The following TRIM43B variants were observed in gnomAD, a reference collection of about 807,000 sequenced individuals.
The protein encoded by TRIM43B is tripartite motif-containing protein 43B.
In TRIM43B, 15 loss-of-function variants were observed where a neutral mutation model predicts 27.0. The ratio of observed to expected loss-of-function variants is 0.55; its 90% CI spans 0.37 to 0.85. The LOEUF (loss-of-function observed/expected upper bound fraction) is 0.85. Ranked by LOEUF, TRIM43B falls within the 40% of genes least tolerant of loss-of-function variation. The probability of loss-of-function intolerance (pLI) is 0.00; values close to 1 mark genes in which losing one functional copy is unlikely to be tolerated. For synonymous variants in TRIM43B, 69 were observed against 97.8 expected, an observed-to-expected ratio of 0.71 and a Z score of 1.74; for missense variants, 172 against 289.8, an observed-to-expected ratio of 0.59 and a Z score of 2.95.
At chr2:95,480,216 A>T in intron 4 of TRIM43B, 89 bp downstream of exon 4, 1 of 1,495,958 alleles carries the variant, frequency 6.7e-7, no homozygotes, top group South Asian at 1.4e-5. Context: ...GCAGGAGATG[A>T]GGAAATAATG....
chr2:95,482,795 G>C, intron 1 of TRIM43B, 77 bp from the exon 2 acceptor site: 1 of 1,535,178 alleles, frequency 6.5e-7, no homozygotes. Flanking sequence ...GAATCAGATC[G>C]TGATCGAATA....
At chr2:95,481,716 G>T (rs1441767616) in intron 2 of TRIM43B, 26 bp from the exon 3 acceptor site, 2 of 1,604,352 alleles carry the variant, frequency 1.2e-6, no homozygotes, top group South Asian at 2.2e-5. Flanking sequence ...AGGTTGAACA[G>T]AAAGTCAAAT....
intron 1 of TRIM43B, 103 bp from the exon 2 acceptor site, chr2:95,482,821 A>G: frequency 6.5e-7 from 1 of 1,527,070 alleles, no homozygotes; most frequent in Non-Finnish European, 8.7e-7. Flanking sequence ...CTTTCTTTCT[A>G]AAGAAGTATA....
At chr2:95,483,591 G>A (rs971861658) in intron 1 of TRIM43B, among the ~76,000 whole-genome samples, 8 of 151,062 alleles carry the variant, frequency 5.3e-5, no homozygotes, top group South Asian at 2.1e-4. Flanking sequence ...GGCCGAGGTG[G>A]CTGAGGCTGG....
chr2:95,481,721 T>G (rs542747976), intron 2 of TRIM43B, 31 bp from the exon 3 acceptor site: 1 of 1,601,572 alleles, frequency 6.2e-7, no homozygotes, highest in South Asian at 1.1e-5. Flanking sequence ...GAACAGAAAG[T>G]CAAATACCAA....
intron 3 of TRIM43B, among the ~76,000 whole-genome samples, chr2:95,481,256 G>A (rs190271466): frequency 4.6e-5 from 7 of 151,542 alleles, no homozygotes; most frequent in East Asian, 1.9e-4. Flanking sequence ...TTCTTCCCCC[G>A]GACAATACCA....
rs1261380060 is a variant in TRIM43B, at chr2:95,480,633, T to C, written c.508-98A>G. 21 of 1,383,994 alleles carry C rather than the reference T, an allele frequency of 1.5e-5. No individual in the cohort carries two copies. In the Admixed American group the frequency reaches 4.5e-4, roughly 30 times the overall value. The allele number at this position is 1,383,994 out of a possible 1,614,324, so 85.7% of individuals were successfully genotyped here. On this transcript the variant is annotated intron_variant, in intron 3 of 6. Transcript: ENST00000639673. ...TCCTCATTCCTTCTTTTATTTTCCA[T>C]CCTTTACAAACAGGATGATGAGTTA...
exon 4 of TRIM43B, chr2:95,480,325 G>A (rs1213444592): frequency 6.2e-7 from 1 of 1,609,006 alleles, no homozygotes; most frequent in African/African-American, 1.3e-5. Context: ...TCCACCTCTG[G>A]TTTATGACAC....
At chr2:95,483,238 G>A (rs1165009780) in intron 1 of TRIM43B, among the ~76,000 whole-genome samples, 1 of 152,038 alleles carries the variant, frequency 6.6e-6, no homozygotes, top group Non-Finnish European at 1.5e-5. Flanking sequence ...ATCAGAAAAA[G>A]CCAGCCTTTA....
chr2:95,480,966 T>C (rs2104400486), intron 3 of TRIM43B, among the ~76,000 whole-genome samples: 1 of 152,232 alleles, frequency 6.6e-6, no homozygotes, highest in Admixed American at 6.5e-5. Flanking sequence ...CCCCCATCTC[T>C]CAAACCGACT....
intron 1 of TRIM43B, among the ~76,000 whole-genome samples, chr2:95,484,099 G>T (rs1041941578): frequency 1.3e-5 from 2 of 149,464 alleles, no homozygotes; most frequent in African/African-American, 4.9e-5. Context: ...GGCCGGGCGC[G>T]GTGGCTCAGG....
chr2:95,483,439 A>T (rs1348739799), intron 1 of TRIM43B, among the ~76,000 whole-genome samples: 1 of 151,910 alleles, frequency 6.6e-6, no homozygotes, highest in East Asian at 1.9e-4. Flanking sequence ...ACAGACAATT[A>T]ATTCAATTTA....
chr2:95,480,660 G>A (rs1426929688), intron 3 of TRIM43B, 125 bp from the exon 4 acceptor site: 10 of 694,514 alleles, frequency 1.4e-5, no homozygotes, highest in Non-Finnish European at 2.4e-5. Context: ...GATGAGTTAA[G>A]CAAGACCTTC....
intron 1 of TRIM43B, 131 bp from the exon 2 acceptor site, chr2:95,482,849 A>T: frequency 2.0e-6 from 3 of 1,496,304 alleles, no homozygotes; most frequent in Non-Finnish European, 2.7e-6. Context: ...ATTTGCAATG[A>T]CAGAAATAGG....
chr2:95,482,418 TG>T lies in TRIM43B; in HGVS notation c.296del (p.Thr99LysfsTer43). On this transcript the variant is annotated frameshift_variant, in exon 2 of 7. Coordinates refer to ENST00000639673, the Ensembl canonical transcript of TRIM43B. LOFTEE classifies it high-confidence loss of function. The stretch of plus-strand genomic sequence containing the variant: ...TGTCCATGTCACAGAACATCTTCTT[TG>T]TTTGCCTATGGGTCCCACATATTTG... The T allele has an allele frequency of 1.9e-6, 3 of 1,604,368 alleles. No homozygotes were observed. Among genetic ancestry groups the T allele is most frequent in the South Asian group, 1.1e-5 (1 of 89,894 alleles).
At chr2:95,484,223 T>G (rs1349217102) in intron 1 of TRIM43B, among the ~76,000 whole-genome samples, 1 of 151,608 alleles carries the variant, frequency 6.6e-6, no homozygotes, top group Non-Finnish European at 1.5e-5. Flanking sequence ...AATACAAAAT[T>G]TAGATGGGCG....
At chr2:95,480,666 C>A (rs1170931219) in intron 3 of TRIM43B, 131 bp from the exon 4 acceptor site, 8 of 673,062 alleles carry the variant, frequency 1.2e-5, no homozygotes, top group African/African-American at 3.7e-5. Context: ...TTAAGCAAGA[C>A]CTTCCTTCAA....
Position 95,481,631 on chromosome 2 carries a change from A to G in TRIM43B, c.471T>C (p.Asn157=), listed in dbSNP as rs1327572866. 3.7e-6 allele frequency: 6 copies of G among 1,612,626 alleles called. 1 individual carries two copies. In the South Asian group the frequency reaches 6.6e-5, roughly 18 times the overall value. Residue 157 remains asparagine (N), a synonymous_variant, in exon 3 of 7, where the codon AAT becomes AAC. Coordinates refer to ENST00000639673, the Ensembl canonical transcript of TRIM43B. ...AGGCTGTTCTTCTCTCCTCATATAG[A>G]TTTCTCTGATTTTCTTGAATCTTTT...
chr2:95,481,298 T>C (rs1683517470), intron 3 of TRIM43B, among the ~76,000 whole-genome samples: 1 of 152,138 alleles, frequency 6.6e-6, no homozygotes, highest in Non-Finnish European at 1.5e-5. Flanking sequence ...ATTTCTCAAT[T>C]ATATACTATT....
Sources: allele counts gnomAD v4.1 joint callset (sites outside exome capture counted in the v4.1 genomes callset), GRCh38; gene constraint gnomAD v4.1.1; transcripts MANE v1.5; gene names NCBI Gene and HGNC (gene_info 2026-07-23, HGNC 2026-07-21).